CSMD2: variants seen among roughly 807,000 people sequenced by gnomAD.
CSMD2 encodes the protein CUB and Sushi multiple domains 2.
Under a neutral mutation model 398.5 loss-of-function variants are expected in CSMD2, and 130 were observed. The ratio of observed to expected loss-of-function variants is 0.33; its 90% CI spans 0.28 to 0.38. The LOEUF (loss-of-function observed/expected upper bound fraction) is 0.38, where lower values mean the gene tolerates loss of function less well. Ranked by LOEUF, CSMD2 falls within the 10% of genes least tolerant of loss-of-function variation. The probability of loss-of-function intolerance (pLI) is 1.00; values close to 1 mark genes in which losing one functional copy is unlikely to be tolerated. For missense variants in CSMD2, 3,829 were observed against 4,764.9 expected, an observed-to-expected ratio of 0.80 and a Z score of 5.78; for synonymous variants, 1,828 against 1,908.5, an observed-to-expected ratio of 0.96 and a Z score of 1.10.
At chr1:33,645,289 C>T (rs1238540147) in intron 29 of CSMD2, among the ~76,000 whole-genome samples, 2 of 147,836 alleles carry the variant, frequency 1.4e-5, no homozygotes, top group Non-Finnish European at 3.0e-5. Flanking sequence ...GTAACAATAA[C>T]AAAATCTATC....
chr1:34,121,146 A>AATGT (rs965614355), intron 1 of CSMD2, among the ~76,000 whole-genome samples: 52 of 152,304 alleles, frequency 3.4e-4, no homozygotes, highest in African/African-American at 1.2e-3. Flanking sequence ...TGAATGAGCG[A>AATGT]ATGTGGAGGT....
intron 22 of CSMD2, among the ~76,000 whole-genome samples, chr1:33,702,149 G>A (rs1645632103): frequency 6.6e-6 from 1 of 152,088 alleles, no homozygotes; most frequent in Non-Finnish European, 1.5e-5. Flanking sequence ...TCCTCAACAA[G>A]TAAGTTACAA....
At chr1:34,026,758 T>C (rs1649705022) in intron 3 of CSMD2, among the ~76,000 whole-genome samples, 1 of 152,106 alleles carries the variant, frequency 6.6e-6, no homozygotes, top group South Asian at 2.1e-4. Flanking sequence ...AGTCTGGGGC[T>C]AGGGTGAGAA....
intron 3 of CSMD2, among the ~76,000 whole-genome samples, chr1:34,006,318 C>A (rs1442886867): frequency 1.3e-5 from 2 of 152,076 alleles, no homozygotes; most frequent in Non-Finnish European, 2.9e-5. Context: ...CTGGAGAATT[C>A]TGTGTCCCCA....
chr1:33,536,530 T>C (rs1427458115), intron 62 of CSMD2, among the ~76,000 whole-genome samples: 1 of 152,206 alleles, frequency 6.6e-6, no homozygotes, highest in Non-Finnish European at 1.5e-5. Flanking sequence ...GCCATCCTTT[T>C]CTCTGTTCAA....
At chr1:34,107,923 A>G (rs1389555112) in intron 1 of CSMD2, among the ~76,000 whole-genome samples, 1 of 152,214 alleles carries the variant, frequency 6.6e-6, no homozygotes, top group Non-Finnish European at 1.5e-5. Flanking sequence ...AATTGTCAAA[A>G]TATGTGAAAC....
At chr1:33,707,673 A>G (rs1645832951) in intron 22 of CSMD2, among the ~76,000 whole-genome samples, 1 of 139,042 alleles carries the variant, frequency 7.2e-6, no homozygotes. Context: ...TCAAACACGC[A>G]CGCGTGCACA....
chr1:33,728,134 T>C (rs608108), intron 15 of CSMD2, among the ~76,000 whole-genome samples: 63,884 of 151,922 alleles, frequency 0.42, 15,663 homozygotes, highest in African/African-American at 0.68. Flanking sequence ...ATCCAGAGAT[T>C]TTAAGCTAAG....
rs1472634069 is a variant in CSMD2 at position 33,523,349 on chromosome 1, A to G, written c.10467T>C (p.Phe3489=). ...AGTGATCATCTTTGAACTTATTCAT[A>G]AAGATCTCCACAGGCCCTGTAATCT... ...VYQITGPVEI[F]MNKFKDDHWA... The change falls in exon 67 of 71, where the codon TTT becomes TTC. Residue 3489 remains phenylalanine, a synonymous_variant. Transcript: ENST00000373381. 1.2e-6 allele frequency: 2 copies of G among 1,602,544 alleles called. No individual in the cohort carries two copies. The highest frequency in any genetic ancestry group is 2.2e-5 in the East Asian group (1 of 44,810).
intron 13 of CSMD2, among the ~76,000 whole-genome samples, chr1:33,755,657 A>G (rs1648880603): frequency 6.6e-6 from 1 of 152,038 alleles, no homozygotes; most frequent in South Asian, 2.1e-4. Flanking sequence ...TCTTTAAACA[A>G]TTTTTTAGAG....
chr1:33,550,741 A>G (rs1297981411), intron 55 of CSMD2, among the ~76,000 whole-genome samples: 1 of 152,198 alleles, frequency 6.6e-6, no homozygotes, highest in Non-Finnish European at 1.5e-5. Flanking sequence ...TCATTGGCCA[A>G]GGATTCCAGA....
chr1:33,598,369 TTCC>T (rs1639975702), intron 44 of CSMD2, among the ~76,000 whole-genome samples: 1 of 152,210 alleles, frequency 6.6e-6, no homozygotes, highest in South Asian at 2.1e-4. Context: ...GGCACAGCAG[TTCC>T]TCCTCTCTTG....
chr1:33,636,834 CCT>C lies in CSMD2; in HGVS notation c.4775-282_4775-281del, dbSNP rs527268721. Among the ~76,000 whole-genome samples, 26 of 152,252 alleles carry C rather than the reference CCT, an allele frequency of 1.7e-4. No individual in the cohort carries two copies. In the East Asian group the frequency reaches 4.8e-3, roughly 28 times the overall value. ...GGAGGCCCAGCAAAATCGCTGAGGC[CCT>C]CTCTCATCCCCTGCTTGCTCCTCCC... On this transcript the variant is annotated intron_variant, in intron 29 of 70. Transcript: ENST00000373381. The surrounding 1 kb of genome is among the most constrained non-coding windows in gnomAD (Gnocchi z 4.8).
chr1:34,160,237 C>T (rs775844336), intron 1 of CSMD2, among the ~76,000 whole-genome samples: 18 of 152,222 alleles, frequency 1.2e-4, no homozygotes, highest in Non-Finnish European at 2.4e-4. Context: ...GCCACACACT[C>T]ACCAGCCCTA....
intron 1 of CSMD2, among the ~76,000 whole-genome samples, chr1:34,134,305 G>C (rs1638487343): frequency 1.3e-5 from 2 of 152,148 alleles, no homozygotes; most frequent in Admixed American, 1.3e-4. Context: ...TGAAATGGGA[G>C]TTTCTTTTCT....
At chr1:33,885,086 T>C (rs963295508) in intron 5 of CSMD2, 6 of 152,084 alleles carry the variant, frequency 3.9e-5, no homozygotes, top group African/African-American at 1.5e-4. Flanking sequence ...ATTCTCACAG[T>C]ATCCTGTTGG....
At chr1:33,749,401 TAC>T (rs1187568258) in intron 13 of CSMD2, among the ~76,000 whole-genome samples, 2 of 152,222 alleles carry the variant, frequency 1.3e-5, no homozygotes, top group African/African-American at 4.8e-5. Context: ...GCCCAGCCAA[TAC>T]AGACTTCTTA....
intron 3 of CSMD2, among the ~76,000 whole-genome samples, chr1:34,014,657 C>T (rs900931290): frequency 3.3e-5 from 5 of 152,248 alleles, no homozygotes; most frequent in African/African-American, 9.6e-5. Flanking sequence ...GATTTTTTAT[C>T]TGTCTCCTCC....
At chr1:33,536,698 G>A (rs1366697467) in intron 62 of CSMD2, among the ~76,000 whole-genome samples, 1 of 151,796 alleles carries the variant, frequency 6.6e-6, no homozygotes. Flanking sequence ...GTCTGTGGGT[G>A]GGGTGGGCAC....
Sources: gnomAD v4.1 joint callset for allele counts (sites outside exome capture counted in the v4.1 genomes callset) on GRCh38, gnomAD v4.1.1 for gene constraint, Gnocchi (gnomAD v3.1) non-coding constraint, MANE v1.5 for transcripts, NCBI Gene and HGNC (gene_info 2026-07-23, HGNC 2026-07-21) for gene names.